CELF2: variants seen among roughly 807,000 people sequenced by gnomAD.
CELF2 encodes CUGBP Elav-like family member 2.
CELF2 carries 8 observed loss-of-function variants against 62.6 expected under a neutral mutation model. That is an observed-to-expected ratio of 0.13 (90% CI 0.07 to 0.23). The LOEUF (loss-of-function observed/expected upper bound fraction) is 0.23. Ranked by LOEUF, CELF2 falls within the 10% of genes least tolerant of loss-of-function variation. The probability of loss-of-function intolerance (pLI) is 1.00; values close to 1 mark genes in which losing one functional copy is unlikely to be tolerated. For synonymous variants in CELF2, 258 were observed against 250.0 expected (o/e 1.03, Z -0.30); for missense variants, 333 against 671.0 (o/e 0.50, Z 5.56).
intron 2 of CELF2, among the ~76,000 whole-genome samples, chr10:10,965,143 T>C (rs1284084552): frequency 6.6e-6 from 1 of 152,218 alleles, no homozygotes; most frequent in Non-Finnish European, 1.5e-5. Flanking sequence ...TTATTATTTA[T>C]TTGTAAGGCA....
intron 2 of CELF2, among the ~76,000 whole-genome samples, chr10:11,215,551 T>G (rs910581314): frequency 6.6e-6 from 1 of 151,782 alleles, no homozygotes; most frequent in Admixed American, 6.6e-5. Context: ...TTAAAACATC[T>G]CATTCCCAAA....
At chr10:10,533,540 C>T in the CELF2 span, among the ~76,000 whole-genome samples, 1 of 152,178 alleles carries the variant, frequency 6.6e-6, no homozygotes, top group Non-Finnish European at 1.5e-5. Flanking sequence ...ATCTCTTTAC[C>T]TCAGAGTAAC....
At chr10:11,313,742 A>G (rs1253480836) in intron 9 of CELF2, among the ~76,000 whole-genome samples, 1 of 152,140 alleles carries the variant, frequency 6.6e-6, no homozygotes, top group Non-Finnish European at 1.5e-5. Flanking sequence ...AACTAAAGAC[A>G]GTACAAGAAG....
At chr10:10,873,387 A>G (rs1028654441) in intron 1 of CELF2, among the ~76,000 whole-genome samples, 1 of 152,238 alleles carries the variant, frequency 6.6e-6, no homozygotes, top group Non-Finnish European at 1.5e-5. Flanking sequence ...CCCTCGGGGT[A>G]ACAGTATTAG....
Position 11,319,518 on chromosome 10 carries a change from T to C in CELF2, c.1097-1671T>C, listed in dbSNP as rs893772729. Among the ~76,000 whole-genome samples, 1 of 152,138 alleles carries C rather than the reference T, an allele frequency of 6.6e-6. No individual in the cohort carries two copies. The highest frequency in any genetic ancestry group is 2.1e-4 in the South Asian group (1 of 4,824). ...CCAAGCTCTTTGGACAGCACTTACT[T>C]GCATGACCCAAAGAAAACATTAATG... is the stretch of plus-strand genomic sequence containing the variant. On this transcript the variant is annotated intron_variant, in intron 10 of 12. Coordinates refer to ENST00000633077, the MANE Select transcript of CELF2 (RefSeq NM_001326342.2). This position sits in a 1 kb window ranked among gnomAD's most constrained non-coding sequence, Gnocchi z 4.4.
At chr10:10,996,966 T>C (rs1281434898) in intron 2 of CELF2, among the ~76,000 whole-genome samples, 1 of 152,246 alleles carries the variant, frequency 6.6e-6, no homozygotes. Context: ...ATTTGCCAAA[T>C]TGTCCGTGTT....
the CELF2 span, among the ~76,000 whole-genome samples, chr10:10,492,954 C>T: frequency 2.4e-4 from 36 of 152,148 alleles, no homozygotes; most frequent in African/African-American, 7.5e-4. Flanking sequence ...TGTAGTAAGA[C>T]GTGCCTTTCA....
the CELF2 span, among the ~76,000 whole-genome samples, chr10:10,644,764 T>C: frequency 3.3e-5 from 5 of 152,172 alleles, no homozygotes; most frequent in Non-Finnish European, 7.3e-5. Flanking sequence ...CCCCACGTCC[T>C]GGGCTTCCTT....
Position 11,309,353 on chromosome 10 carries a change from A to G in CELF2, c.977-4786A>G, listed in dbSNP as rs1234424678. On this transcript the variant is annotated intron_variant, in intron 9 of 12. Coordinates refer to ENST00000633077, the MANE Select transcript of CELF2 (RefSeq NM_001326342.2). The surrounding 1 kb of genome is among the most constrained non-coding windows in gnomAD (Gnocchi z 5.6). ...TAGCAAGAATAATTCAGTGAAGTCT[A>G]TTCCCCTGCACTGTGCCTCTGCTGT... 6.6e-6 allele frequency among the ~76,000 whole-genome samples: 1 copy of G among 152,320 alleles called. No individual in the cohort carries two copies. Among genetic ancestry groups the G allele is most frequent in the Non-Finnish European group, 1.5e-5 (1 of 68,018 alleles).
In CELF2 at chr10:11,302,920, G is replaced by A. The variant is rs539548233; in HGVS notation, c.977-11219G>A. Reference sequence around the variant, plus strand: ...TTCTCTGCCAGGAGATGAAGCCAGCGTGTGTTTGGCACAACAATAAGAGCT... The same window carrying A: ...TTCTCTGCCAGGAGATGAAGCCAGCATGTGTTTGGCACAACAATAAGAGCT... On this transcript the variant is annotated intron_variant, in intron 9 of 12. Coordinates refer to ENST00000633077, the MANE Select transcript of CELF2 (RefSeq NM_001326342.2). This position sits in a 1 kb window ranked among gnomAD's most constrained non-coding sequence, Gnocchi z 5.0. Among the ~76,000 whole-genome samples, 28 of 152,252 alleles carry A rather than the reference G, an allele frequency of 1.8e-4. No homozygotes were observed. The highest frequency in any genetic ancestry group is 5.8e-4 in the African/African-American group (24 of 41,544).
chr10:10,561,478 T>C, the CELF2 span, among the ~76,000 whole-genome samples: 2 of 152,224 alleles, frequency 1.3e-5, no homozygotes, highest in African/African-American at 4.8e-5. Context: ...AAAATCCCTT[T>C]CTTCATGGAG....
the CELF2 span, among the ~76,000 whole-genome samples, chr10:10,606,752 T>C: frequency 6.6e-6 from 1 of 152,182 alleles, no homozygotes; most frequent in African/African-American, 2.4e-5. Context: ...AAATAATAAT[T>C]GTATAAAATT....
At chr10:10,858,159 A>T (rs1253448629) in intron 1 of CELF2, among the ~76,000 whole-genome samples, 2 of 152,128 alleles carry the variant, frequency 1.3e-5, no homozygotes, top group Non-Finnish European at 2.9e-5. Flanking sequence ...TGAAATAATG[A>T]CTAAAATTTA....
the CELF2 span, among the ~76,000 whole-genome samples, chr10:10,465,680 C>T: frequency 1.3e-5 from 2 of 152,120 alleles, no homozygotes; most frequent in Admixed American, 1.3e-4. Context: ...AGTCCTCTAT[C>T]CTCCTCATCT....
At chr10:11,038,777 A>G (rs760787475) in intron 1 of CELF2, among the ~76,000 whole-genome samples, 2 of 152,220 alleles carry the variant, frequency 1.3e-5, no homozygotes, top group Non-Finnish European at 1.5e-5. Context: ...TAAATATCTC[A>G]CATAAAACCA....
intron 1 of CELF2, among the ~76,000 whole-genome samples, chr10:11,074,719 A>G (rs2071324018): frequency 6.6e-6 from 1 of 152,222 alleles, no homozygotes; most frequent in Admixed American, 6.5e-5. Flanking sequence ...AGAGCATGGT[A>G]ACCATTCTGA....
intron 9 of CELF2, among the ~76,000 whole-genome samples, chr10:11,289,695 T>C (rs750599311): frequency 6.6e-6 from 1 of 152,194 alleles, no homozygotes; most frequent in Non-Finnish European, 1.5e-5. Context: ...ACCGTTACTG[T>C]ATGAGGGCCT....
chr10:11,331,562 C>A lies in CELF2; in HGVS notation c.*2509C>A, dbSNP rs557374324. 6.6e-6 allele frequency: 1 copy of A among 150,876 alleles called. No individual in the cohort carries two copies. Among genetic ancestry groups the A allele is most frequent in the Non-Finnish European group, 1.5e-5 (1 of 67,722 alleles). The allele number at this position is 150,876 out of a possible 1,614,324, so 9.3% of individuals were successfully genotyped here. ...TTTCTTGTGAGAAGTAATTTGATAA[C>A]ATGGGTATTTTATTATGTGTTTTGT... On this transcript the variant is annotated 3_prime_UTR_variant, in exon 13 of 13. Coordinates refer to ENST00000633077, the MANE Select transcript of CELF2 (RefSeq NM_001326342.2).
At chr10:10,654,992 C>T in the CELF2 span, among the ~76,000 whole-genome samples, 6 of 145,454 alleles carry the variant, frequency 4.1e-5, no homozygotes, top group Non-Finnish European at 7.6e-5. Context: ...CCCAAAATCT[C>T]CTTAAGCTGA....
Sources: allele counts gnomAD v4.1 joint callset (sites outside exome capture counted in the v4.1 genomes callset), GRCh38; gene constraint gnomAD v4.1.1; non-coding constraint Gnocchi (gnomAD v3.1); transcripts MANE v1.5; gene names NCBI Gene and HGNC (gene_info 2026-07-23, HGNC 2026-07-21).